The following C3orf33 variants were observed in gnomAD, a reference collection of about 807,000 sequenced individuals.
C3orf33 encodes mitochondrial inner membrane subdomain organizer 1, also known as AP-1 activity suppressor.
A neutral mutation model predicts 28.7 loss-of-function variants in C3orf33; 23 were observed. The ratio of observed to expected loss-of-function variants is 0.80; its 90% CI spans 0.58 to 1.13. The LOEUF is 1.13. C3orf33 is among the 50% of genes most tolerant of loss of function. The pLI, the probability that C3orf33 is intolerant of heterozygous loss-of-function variation, is 0.00. For synonymous variants in C3orf33, 119 were observed against 120.5 expected (o/e 0.99, Z 0.08); for missense variants, 327 against 353.4 (o/e 0.93, Z 0.60).
chr3:155,789,570 C>T (rs1245546453), intron 2 of C3orf33, among the ~76,000 whole-genome samples: 1 of 151,712 alleles, frequency 6.6e-6, no homozygotes. Flanking sequence ...CAATACAATC[C>T]CTATCAAAAT....
At chr3:155,770,914 T>C (rs1443221707) in intron 3 of C3orf33, among the ~76,000 whole-genome samples, 1 of 151,772 alleles carries the variant, frequency 6.6e-6, no homozygotes, top group African/African-American at 2.4e-5. Flanking sequence ...CCTCAAGTTA[T>C]CTGCCCACCT....
chr3:155,775,391 A>AGGCAGGAGAATT (rs997093875), intron 3 of C3orf33, among the ~76,000 whole-genome samples: 3 of 151,874 alleles, frequency 2.0e-5, no homozygotes, highest in Admixed American at 6.6e-5. Context: ...CAGGAGGCTG[A>AGGCAGGAGAATT]GGCAGGAGAA....
chr3:155,801,598 GGC>G, intron 2 of C3orf33, among the ~76,000 whole-genome samples: 1 of 151,828 alleles, frequency 6.6e-6, no homozygotes, highest in Non-Finnish European at 1.5e-5. Context: ...AGTAATACCA[GGC>G]TAAGTGAAAA....
chr3:155,794,103 TC>T (rs966558495), intron 2 of C3orf33, among the ~76,000 whole-genome samples: 124 of 151,930 alleles, frequency 8.2e-4, no homozygotes, highest in African/African-American at 2.9e-3. Context: ...CCTGTTAGCC[TC>T]CCAAGTAGCT....
intron 1 of C3orf33, chr3:155,805,811 T>A (rs1489547911): frequency 8.2e-6 from 4 of 490,600 alleles, no homozygotes; most frequent in Middle Eastern, 4.4e-4. Context: ...CGGTCTCCTC[T>A]CTGGGCCCTC....
At position 155,790,336 on chromosome 3, in the gene C3orf33, A is replaced by T. The variant is rs147598909; in HGVS notation, c.174+12196T>A. Among the ~76,000 whole-genome samples the T allele has an allele frequency of 2.6e-3, 400 of 152,156 alleles. 2 individuals are homozygous for T. Among genetic ancestry groups the T allele is most frequent in the African/African-American group, 8.9e-3 (370 of 41,510 alleles). On this transcript the variant is annotated intron_variant, in intron 2 of 4. Transcript: ENST00000340171. ...AAAACTATAAAACTCCTTAAAAAAA[A>T]ATATAGGGCAAAAGCTTCATGACAG...
At chr3:155,766,086 T>G (rs1443141181) in intron 4 of C3orf33, among the ~76,000 whole-genome samples, 1 of 152,342 alleles carries the variant, frequency 6.6e-6, no homozygotes, top group Non-Finnish European at 1.5e-5. Context: ...TGGAGTACAT[T>G]GGTGCGATCA....
At chr3:155,774,666 C>CTTTTTT (rs62815064) in intron 3 of C3orf33, among the ~76,000 whole-genome samples, 4 of 95,248 alleles carry the variant, frequency 4.2e-5, no homozygotes, top group Non-Finnish European at 6.2e-5. Context: ...TATTGTTTTG[C>CTTTTTT]TTTTTTTTTT....
chr3:155,783,776 T>C (rs968743823), intron 2 of C3orf33, among the ~76,000 whole-genome samples: 2 of 152,150 alleles, frequency 1.3e-5, no homozygotes, highest in South Asian at 2.1e-4. Flanking sequence ...CTGTACTACA[T>C]TTTTAAAAGA....
chr3:155,788,060 G>T (rs184826931), intron 2 of C3orf33, among the ~76,000 whole-genome samples: 1 of 151,744 alleles, frequency 6.6e-6, no homozygotes, highest in South Asian at 2.1e-4. Flanking sequence ...GCGTGGTGGC[G>T]GGCGCCTGTA....
intron 2 of C3orf33, among the ~76,000 whole-genome samples, chr3:155,776,759 CA>C (rs10654812): frequency 5.8e-4 from 50 of 86,906 alleles, no homozygotes; most frequent in African/African-American, 1.0e-3. Flanking sequence ...CTGACTCTGT[CA>C]AAAAAAAAAA....
chr3:155,771,801 A>G (rs557419003), intron 3 of C3orf33, among the ~76,000 whole-genome samples: 1 of 152,354 alleles, frequency 6.6e-6, no homozygotes, highest in African/African-American at 2.4e-5. Context: ...TCAAAAATAA[A>G]TAAGTAAATA....
chr3:155,763,871 G>T lies in C3orf33; in HGVS notation c.531C>A (p.Gly177=). The T allele has an allele frequency of 6.7e-7, 1 of 1,501,408 alleles. No homozygotes were observed. The highest frequency in any genetic ancestry group is 2.4e-5 in the East Asian group (1 of 41,760). 93.0% of individuals were successfully genotyped at this position (1,501,408 alleles called of 1,614,324 possible). ...VNLNEEILRR[G]LGKTVLVKGL... ...CTTTAACAAGAACAGTTTTGCCAAG[G>T]CCTCTTCTCAAAATTTCTTCATTCA... Residue 177 remains glycine (G), a synonymous_variant, in exon 5 of 5, where the codon GGC becomes GGA. Coordinates refer to ENST00000340171, the MANE Select transcript of C3orf33 (RefSeq NM_001308229.2).
chr3:155,802,818 C>G (rs1293837101), intron 1 of C3orf33, among the ~76,000 whole-genome samples: 1 of 151,966 alleles, frequency 6.6e-6, no homozygotes, highest in Non-Finnish European at 1.5e-5. Context: ...ATCTGGCACA[C>G]AGAGACATTT....
At chr3:155,788,645 C>T (rs13099457) in intron 2 of C3orf33, among the ~76,000 whole-genome samples, 87,096 of 150,424 alleles carry the variant, frequency 0.58, 25,594 homozygotes, top group Middle Eastern at 0.7. Flanking sequence ...TCGCAGCCAC[C>T]ACACTCCAGT....
intron 2 of C3orf33, among the ~76,000 whole-genome samples, chr3:155,794,233 G>A (rs1395810114): frequency 2.6e-5 from 4 of 151,942 alleles, no homozygotes; most frequent in Non-Finnish European, 5.9e-5. Flanking sequence ...CACCTGCCTC[G>A]GCCTCCCAAA....
At chr3:155,802,717 C>T in intron 1 of C3orf33, 126 bp from the exon 2 acceptor site, 2 of 655,586 alleles carry the variant, frequency 3.1e-6, no homozygotes, top group South Asian at 4.0e-5. Context: ...CAATGTATGT[C>T]TTTCAAATAA....
intron 2 of C3orf33, among the ~76,000 whole-genome samples, chr3:155,777,280 C>T (rs1750778974): frequency 6.6e-6 from 1 of 151,436 alleles, no homozygotes; most frequent in South Asian, 2.1e-4. Context: ...CACCATTGCA[C>T]TCCAGCCTGG....
At chr3:155,767,941 G>A (rs1458931193) in intron 3 of C3orf33, among the ~76,000 whole-genome samples, 8 of 151,836 alleles carry the variant, frequency 5.3e-5, no homozygotes, top group Non-Finnish European at 8.8e-5. Context: ...GTACAGTGGC[G>A]CAATCTCAGT....
Sources: allele counts gnomAD v4.1 joint callset (sites outside exome capture counted in the v4.1 genomes callset), GRCh38; gene constraint gnomAD v4.1.1; transcripts MANE v1.5; gene names NCBI Gene and HGNC (gene_info 2026-07-23, HGNC 2026-07-21).